ADGB: variants seen among roughly 807,000 people sequenced by gnomAD.
ADGB encodes the protein calpain-7-like protein.
In ADGB, 172 loss-of-function variants were observed where a neutral mutation model predicts 210.5. That is an observed-to-expected ratio of 0.82 (90% CI 0.72 to 0.93). ADGB has a LOEUF of 0.93. Among genes scored for constraint, ADGB ranks in the 40% least tolerant of loss-of-function variants. The probability of loss-of-function intolerance (pLI) is 0.00; values close to 1 mark genes in which losing one functional copy is unlikely to be tolerated. For missense variants in ADGB, 2,025 were observed against 1,964.8 expected (o/e 1.03, Z -0.58); for synonymous variants, 658 against 662.7 (o/e 0.99, Z 0.11).
chr6:146,644,833 TG>T lies in ADGB; in HGVS notation c.300del (p.Trp100Ter). 1 of 1,492,854 alleles carries T rather than the reference TG, an allele frequency of 6.7e-7. No homozygotes were observed. Among genetic ancestry groups the T allele is most frequent in the South Asian group, 1.4e-5 (1 of 70,340 alleles). The allele number at this position is 1,492,854 out of a possible 1,614,324, so 92.5% of individuals were successfully genotyped here. The part of the protein sequence containing the change: ...ELPPSLKIYS[W>X]KRPQDILFSQ... Reference sequence around the variant, plus strand: ...ACCACCATCCTTGAAAATTTATTCCTGGAAACGTCCACAAGATATTTTATTT... The same window carrying T: ...ACCACCATCCTTGAAAATTTATTCCTGAAACGTCCACAAGATATTTTATTT... On this transcript the variant is annotated frameshift_variant, in exon 3 of 36. Coordinates refer to ENST00000397944, the MANE Select transcript of ADGB (RefSeq NM_024694.4). LOFTEE classifies it high-confidence loss of function.
At chr6:146,743,864 T>C (rs1278961511) in intron 25 of ADGB, among the ~76,000 whole-genome samples, 2 of 152,130 alleles carry the variant, frequency 1.3e-5, no homozygotes, top group African/African-American at 4.8e-5. Flanking sequence ...CAGTGAGCCG[T>C]GATCACGCCA....
intron 33 of ADGB, among the ~76,000 whole-genome samples, chr6:146,797,550 C>CAT (rs1420951039): frequency 6.6e-6 from 1 of 151,894 alleles, no homozygotes; most frequent in East Asian, 1.9e-4. Flanking sequence ...TACATATATA[C>CAT]ATATATACAC....
chr6:146,669,894 C>A (rs1000099426), intron 7 of ADGB, among the ~76,000 whole-genome samples: 1 of 152,198 alleles, frequency 6.6e-6, no homozygotes, highest in African/African-American at 2.4e-5. Flanking sequence ...GATTCTCAAC[C>A]TCCTAAACTG....
At chr6:146,784,548 C>T (rs1018552544) in intron 30 of ADGB, 70 bp from the exon 31 acceptor site, 20 of 1,189,830 alleles carry the variant, frequency 1.7e-5, no homozygotes, top group Non-Finnish European at 2.1e-5. Context: ...AATTATGTAT[C>T]ATATGGTAAA....
intron 9 of ADGB, among the ~76,000 whole-genome samples, 167 bp downstream of exon 9, chr6:146,676,608 C>G (rs1776088360): frequency 1.3e-5 from 2 of 152,122 alleles, no homozygotes; most frequent in African/African-American, 4.8e-5. Context: ...TGGGCCAAGT[C>G]CTACCAATGA....
intron 29 of ADGB, among the ~76,000 whole-genome samples, chr6:146,773,401 A>G (rs1777681083): frequency 6.6e-6 from 1 of 152,184 alleles, no homozygotes; most frequent in South Asian, 2.1e-4. Flanking sequence ...AAAAATATAT[A>G]AATGGGAAGT....
chr6:146,730,204 C>T (rs1287764100), intron 20 of ADGB, among the ~76,000 whole-genome samples: 2 of 152,038 alleles, frequency 1.3e-5, no homozygotes, highest in Non-Finnish European at 2.9e-5. Flanking sequence ...TGACTGGGTG[C>T]TTGGGGTTCT....
chr6:146,773,087 A>G (rs2114635281), intron 29 of ADGB, among the ~76,000 whole-genome samples: 1 of 152,228 alleles, frequency 6.6e-6, no homozygotes, highest in Admixed American at 6.6e-5. Flanking sequence ...CTCACTATTC[A>G]AGGCCATTCC....
At chr6:146,613,648 G>A (rs1195374753) in intron 1 of ADGB, among the ~76,000 whole-genome samples, 1 of 152,118 alleles carries the variant, frequency 6.6e-6, no homozygotes, top group African/African-American at 2.4e-5. Context: ...GTGCATATAA[G>A]CAAGATTCAG....
At position 146,815,153 on chromosome 6, in the gene ADGB, T is replaced by G. The variant is rs1388465337; in HGVS notation, c.4940T>G (p.Leu1647Arg). 2 of 1,539,172 alleles carry G rather than the reference T, an allele frequency of 1.3e-6. No individual in the cohort carries two copies. Among genetic ancestry groups the G allele is most frequent in the African/African-American group, 1.4e-5 (1 of 71,570 alleles). Residue 1647 changes from leucine to arginine, a missense_variant, in exon 36 of 36, where the codon CTG (leucine) becomes CGG (arginine). Transcript: ENST00000397944. The stretch of plus-strand genomic sequence containing the variant: ...GCTGCTCAGGAAGCAGCCATGAAGC[T>G]GGAGACAGAAAAGATGACCCCAGCT... ...TLAAQEAAMKLETEKMTPAPD... is the reference protein window; with the variant it reads ...TLAAQEAAMKRETEKMTPAPD...
At chr6:146,678,906 A>G (rs1776120949) in intron 9 of ADGB, among the ~76,000 whole-genome samples, 1 of 152,194 alleles carries the variant, frequency 6.6e-6, no homozygotes, top group Non-Finnish European at 1.5e-5. Flanking sequence ...AAATAAAAAG[A>G]CTAGTGTTAA....
intron 7 of ADGB, among the ~76,000 whole-genome samples, chr6:146,670,841 T>C (rs775453866): frequency 1.3e-5 from 2 of 152,182 alleles, no homozygotes; most frequent in African/African-American, 2.4e-5. Context: ...TTAAAGGCTA[T>C]ACTAGAATAC....
At chr6:146,694,256 CA>C (rs201445470) in intron 12 of ADGB, among the ~76,000 whole-genome samples, 1 of 152,090 alleles carries the variant, frequency 6.6e-6, no homozygotes, top group Non-Finnish European at 1.5e-5. Flanking sequence ...TTGTAAATAA[CA>C]AAAAATTTAT....
In ADGB at chr6:146,656,822, G is replaced by A. The variant is rs1775788683; in HGVS notation, c.454G>A (p.Gly152Arg). 1 of 1,551,220 alleles carries A rather than the reference G, an allele frequency of 6.4e-7. No homozygotes were observed. The highest frequency in any genetic ancestry group is 8.7e-7 in the Non-Finnish European group (1 of 1,146,724). Residue 152 changes from glycine (G) to arginine (R), a missense_variant, in exon 5 of 36, where the codon GGA becomes AGA. Transcript: ENST00000397944. ...EIYAVWKIFN[G>R]GILSNYFKGT... ...CTATGCAGTGTGGAAGATCTTCAAT[G>A]GAGGAATTTTGAGCAATTATTTTAA...
intron 16 of ADGB, among the ~76,000 whole-genome samples, chr6:146,718,790 A>G (rs1776772720): frequency 6.6e-6 from 1 of 152,224 alleles, no homozygotes; most frequent in African/African-American, 2.4e-5. Flanking sequence ...GAAAACGGGC[A>G]GAGAAAACCT....
chr6:146,638,223 T>G (rs961313429), intron 2 of ADGB, among the ~76,000 whole-genome samples: 1 of 152,004 alleles, frequency 6.6e-6, no homozygotes, highest in African/African-American at 2.4e-5. Flanking sequence ...TACAAAAAAG[T>G]GCAGCTCGCT....
At chr6:146,609,293 C>T (rs1413179172) in intron 1 of ADGB, among the ~76,000 whole-genome samples, 1 of 152,172 alleles carries the variant, frequency 6.6e-6, no homozygotes, top group African/African-American at 2.4e-5. Flanking sequence ...CTGAAGATAG[C>T]ATGAGACTAT....
intron 12 of ADGB, among the ~76,000 whole-genome samples, chr6:146,696,106 TGCTCTGCTGCC>T (rs1776398612): frequency 6.6e-6 from 1 of 151,868 alleles, no homozygotes; most frequent in Non-Finnish European, 1.5e-5. Context: ...AGATGGAGTC[TGCTCTGCTGCC>T]CAGGCTAGAG....
At chr6:146,664,467 A>G in intron 6 of ADGB, 127 bp downstream of exon 6, 1 of 949,638 alleles carries the variant, frequency 1.1e-6, no homozygotes, top group Non-Finnish European at 1.5e-6. Flanking sequence ...AAACAATGTA[A>G]TGCTCTAGTA....
Sources: gnomAD v4.1 joint callset for allele counts (sites outside exome capture counted in the v4.1 genomes callset) on GRCh38, gnomAD v4.1.1 for gene constraint, MANE v1.5 for transcripts, NCBI Gene and HGNC (gene_info 2026-07-23, HGNC 2026-07-21) for gene names.